Variants in NRG1 observed in about 807,000 individuals in gnomAD.
NRG1 encodes neuregulin 1, also known as pro-neuregulin-1, membrane-bound isoform.
In NRG1, 18 loss-of-function variants were observed where a neutral mutation model predicts 63.8. The observed-to-expected ratio is 0.28, with a 90% CI of 0.19 to 0.42. The LOEUF (loss-of-function observed/expected upper bound fraction) is 0.42, where lower values mean the gene tolerates loss of function less well. Among genes scored for constraint, NRG1 ranks in the 10% least tolerant of loss-of-function variants. The probability of loss-of-function intolerance (pLI) is 1.00; values close to 1 mark genes in which losing one functional copy is unlikely to be tolerated. For synonymous variants in NRG1, 302 were observed against 301.3 expected (o/e 1.00, Z -0.02); for missense variants, 762 against 814.7 (o/e 0.94, Z 0.79).
chr8:32,335,261 AC>A (rs1189827121), intron 1 of NRG1, among the ~76,000 whole-genome samples: 4 of 152,196 alleles, frequency 2.6e-5, no homozygotes. Flanking sequence ...GAGGCTTTCT[AC>A]ATGGTGCATG....
chr8:32,154,011 C>A (rs530506928), intron 1 of NRG1, among the ~76,000 whole-genome samples: 1 of 152,256 alleles, frequency 6.6e-6, no homozygotes, highest in East Asian at 1.9e-4. Flanking sequence ...GGCTTTTGGA[C>A]AAATAACAGG....
chr8:32,045,914 AATAT>A, intron 1 of NRG1, among the ~76,000 whole-genome samples: 1 of 152,006 alleles, frequency 6.6e-6, no homozygotes, highest in Non-Finnish European at 1.5e-5. Context: ...CTAAGAAGAA[AATAT>A]ATGTATATAT....
chr8:32,749,219 C>T (rs934939047), intron 7 of NRG1: 1 of 257,546 alleles, frequency 3.9e-6, no homozygotes, highest in Non-Finnish European at 7.4e-6. Flanking sequence ...GTATCAAATG[C>T]CTTTTCTGAT....
intron 1 of NRG1, among the ~76,000 whole-genome samples, chr8:31,742,042 A>G (rs1815331278): frequency 6.6e-6 from 1 of 152,050 alleles, no homozygotes; most frequent in Admixed American, 6.6e-5. Context: ...AGTGTTACTC[A>G]TCAATCTGGA....
At position 32,456,517 on chromosome 8, in the gene NRG1, G is replaced by A. The variant is rs555086773; in HGVS notation, c.38-139311G>A. ...CCCTACTCCATCTGAAGATGACCAGGGTAAAGACCTTTATGGGGATTCACT... is the reference window on the plus strand; with the variant it reads ...CCCTACTCCATCTGAAGATGACCAGAGTAAAGACCTTTATGGGGATTCACT... On this transcript the variant is annotated intron_variant, in intron 1 of 10. Transcript: ENST00000519301. Among the ~76,000 whole-genome samples the A allele has an allele frequency of 7.9e-5, 12 of 152,126 alleles. No individual in the cohort carries two copies. The South Asian group carries it at 1.9e-3, about 24-fold the overall frequency.
At chr8:31,878,645 A>G (rs1036757979) in intron 1 of NRG1, among the ~76,000 whole-genome samples, 3 of 152,214 alleles carry the variant, frequency 2.0e-5, no homozygotes, top group African/African-American at 4.8e-5. Flanking sequence ...CAAGGCTACA[A>G]TCAAGATGGT....
intron 1 of NRG1, among the ~76,000 whole-genome samples, chr8:31,958,044 CAGATAGAT>C (rs59793665): frequency 5.5e-5 from 8 of 145,840 alleles, no homozygotes; most frequent in African/African-American, 1.5e-4. Context: ...CAGTAGAGAC[CAGATAGAT>C]AGATAGATAG....
intron 1 of NRG1, among the ~76,000 whole-genome samples, chr8:31,933,885 A>G (rs448423): frequency 6.6e-6 from 1 of 152,114 alleles, no homozygotes; most frequent in Non-Finnish European, 1.5e-5. Flanking sequence ...ATTTTATTTT[A>G]TAATACCAAC....
chr8:32,122,036 CAG>C (rs1833518266), intron 1 of NRG1, among the ~76,000 whole-genome samples: 1 of 151,894 alleles, frequency 6.6e-6, no homozygotes, highest in African/African-American at 2.4e-5. Flanking sequence ...CTTTTAAAAA[CAG>C]AATATCCAAT....
At chr8:31,805,151 C>T (rs1822146333) in intron 1 of NRG1, among the ~76,000 whole-genome samples, 1 of 151,900 alleles carries the variant, frequency 6.6e-6, no homozygotes, top group Admixed American at 6.6e-5. Flanking sequence ...CAATTATATT[C>T]TTATATATTG....
intron 1 of NRG1, among the ~76,000 whole-genome samples, chr8:32,172,570 G>T (rs527908205): frequency 7.9e-5 from 12 of 152,230 alleles, no homozygotes; most frequent in Middle Eastern, 3.4e-3. Context: ...TTGAACCCAT[G>T]GCAAAGAAGT....
chr8:31,931,728 G>T (rs1347943376), intron 1 of NRG1, among the ~76,000 whole-genome samples: 1 of 152,148 alleles, frequency 6.6e-6, no homozygotes, highest in Non-Finnish European at 1.5e-5. Context: ...ATCCCAGAAA[G>T]GCAGTGCAGA....
At chr8:32,375,934 A>G (rs1809568317) in intron 1 of NRG1, among the ~76,000 whole-genome samples, 1 of 152,194 alleles carries the variant, frequency 6.6e-6, no homozygotes, top group Admixed American at 6.5e-5. Context: ...TCTTTTTTAC[A>G]GACATGTTTC....
At chr8:31,894,716 A>T (rs113631380) in intron 1 of NRG1, among the ~76,000 whole-genome samples, 22,001 of 151,806 alleles carry the variant, frequency 0.14, 1,996 homozygotes, top group Non-Finnish European at 0.19. Context: ...ACGCCCGGCT[A>T]ATTTTTTGTA....
chr8:32,772,232 C>G (rs917203766), downstream of NRG1, among the ~76,000 whole-genome samples: 3 of 151,496 alleles, frequency 2.0e-5, no homozygotes, highest in Non-Finnish European at 4.4e-5. Flanking sequence ...ATGCATAAAA[C>G]AGAATTTTTT....
chr8:31,979,484 A>G (rs1049112929), intron 1 of NRG1, among the ~76,000 whole-genome samples: 1 of 152,044 alleles, frequency 6.6e-6, no homozygotes, highest in African/African-American at 2.4e-5. Flanking sequence ...CTTACTTCCT[A>G]TATAAAATCT....
chr8:32,012,319 T>C (rs772505385), intron 1 of NRG1, among the ~76,000 whole-genome samples: 6 of 152,074 alleles, frequency 3.9e-5, no homozygotes, highest in African/African-American at 7.2e-5. Flanking sequence ...TTAATCTTTG[T>C]AGAGAGAAGA....
chr8:32,715,756 A>C (rs1037580105), intron 5 of NRG1, among the ~76,000 whole-genome samples: 2 of 151,556 alleles, frequency 1.3e-5, no homozygotes, highest in Non-Finnish European at 2.9e-5. Context: ...CTCCTGCCTC[A>C]GCCTCCTGAG....
intron 1 of NRG1, among the ~76,000 whole-genome samples, chr8:32,477,840 A>G (rs1824721665): frequency 6.6e-6 from 1 of 152,206 alleles, no homozygotes; most frequent in Non-Finnish European, 1.5e-5. Context: ...TCCATATATA[A>G]TTTAATGAAT....
Sources: allele counts gnomAD v4.1 joint callset (sites outside exome capture counted in the v4.1 genomes callset), GRCh38; gene constraint gnomAD v4.1.1; transcripts MANE v1.5; gene names NCBI Gene and HGNC (gene_info 2026-07-23, HGNC 2026-07-21).